Variants in RAB27A observed in about 807,000 individuals in gnomAD.
RAB27A encodes the protein RAB27A, member RAS oncogene family, also known as ras-related protein Rab-27A.
Under a neutral mutation model 20.8 loss-of-function variants are expected in RAB27A, and 17 were observed. That is an observed-to-expected ratio of 0.82 (90% confidence interval 0.56 to 1.23). RAB27A has a LOEUF of 1.23. Ranked by LOEUF, RAB27A falls within the 50% of genes most tolerant of loss-of-function variation. The pLI is 0.00. For synonymous variants in RAB27A, 85 were observed against 92.8 expected, an observed-to-expected ratio of 0.92 and a Z score of 0.48; for missense variants, 277 against 266.7, an observed-to-expected ratio of 1.04 and a Z score of -0.27.
chr15:55,311,837 C>T (rs775980533), intron 2 of RAB27A, among the ~76,000 whole-genome samples: 5 of 152,148 alleles, frequency 3.3e-5, no homozygotes, highest in Admixed American at 2.0e-4. Flanking sequence ...TTGGGGGGAA[C>T]GTTTCCCATT....
chr15:55,216,266 G>A (rs947629390), intron 6 of RAB27A, among the ~76,000 whole-genome samples: 1 of 152,176 alleles, frequency 6.6e-6, no homozygotes, highest in Non-Finnish European at 1.5e-5. Flanking sequence ...AGGCACCGTG[G>A]CTCACACCTG....
chr15:55,210,568 CTTT>C (rs2140914265), intron 6 of RAB27A, among the ~76,000 whole-genome samples: 1 of 152,158 alleles, frequency 6.6e-6, no homozygotes, highest in South Asian at 2.1e-4. Flanking sequence ...ATTTGCAGAT[CTTT>C]TGAGAAATGT....
chr15:55,239,612 GA>G (rs1896402202), intron 2 of RAB27A, among the ~76,000 whole-genome samples: 1 of 152,100 alleles, frequency 6.6e-6, no homozygotes, highest in African/African-American at 2.4e-5. Context: ...CCTGGGTTGA[GA>G]ATTCACCTCC....
At chr15:55,239,513 C>T (rs979578827) in intron 2 of RAB27A, among the ~76,000 whole-genome samples, 11 of 151,962 alleles carry the variant, frequency 7.2e-5, no homozygotes, top group African/African-American at 1.9e-4. Flanking sequence ...TGTATGTGTT[C>T]GAGTACAGTA....
At chr15:55,265,438 G>A (rs529570605) in intron 2 of RAB27A, among the ~76,000 whole-genome samples, 1 of 152,096 alleles carries the variant, frequency 6.6e-6, no homozygotes, top group Admixed American at 6.6e-5. Flanking sequence ...CACACATAAG[G>A]ACAAGTGACA....
intron 5 of RAB27A, among the ~76,000 whole-genome samples, chr15:55,227,888 C>T (rs113272907): frequency 0.029 from 4,485 of 152,218 alleles, 219 homozygotes; most frequent in African/African-American, 0.1. Context: ...TTTAATATTA[C>T]AGCCTTCCCT....
At chr15:55,234,210 T>C (rs1896159532) in intron 3 of RAB27A, among the ~76,000 whole-genome samples, 1 of 152,174 alleles carries the variant, frequency 6.6e-6, no homozygotes, top group Non-Finnish European at 1.5e-5. Flanking sequence ...CCTCCAACAC[T>C]AGAATAACTT....
At chr15:55,279,646 A>G (rs1226208139) in intron 1 of RAB27A, among the ~76,000 whole-genome samples, 1 of 152,234 alleles carries the variant, frequency 6.6e-6, no homozygotes, top group African/African-American at 2.4e-5. Flanking sequence ...TGTGAGAATC[A>G]AATGAAATAA....
intron 6 of RAB27A, among the ~76,000 whole-genome samples, chr15:55,217,797 G>T (rs1366899221): frequency 2.7e-5 from 4 of 150,230 alleles, no homozygotes; most frequent in Non-Finnish European, 5.9e-5. Flanking sequence ...GAGCCGTATT[G>T]CCAAAGACGA....
Position 55,303,658 on chromosome 15 carries a change from TG to T in RAB27A, c.-112+10380del, listed in dbSNP as rs1166298109. On this transcript the variant is annotated intron_variant, in intron 2 of 5. Transcript: ENST00000563262. ...CCAGCCGCCCCGTCCGGGAGGGAGG[TG>T]GGGGGGGTCAGCCCCCCTGCCCGGC... 2.2e-3 allele frequency among the ~76,000 whole-genome samples: 121 copies of T among 54,722 alleles called. 2 individuals carry two copies. The highest frequency in any genetic ancestry group is 3.5e-3 in the Non-Finnish European group (97 of 27,666). The allele number at this position is 54,722 out of a possible 152,430, so 35.9% of individuals were successfully genotyped here.
chr15:55,317,790 C>T (rs1056088101), intron 1 of RAB27A: 3 of 398,142 alleles, frequency 7.5e-6, no homozygotes, highest in African/African-American at 6.2e-5. Flanking sequence ...ATCTCCTAAA[C>T]ATTGCTGCAA....
intron 2 of RAB27A, among the ~76,000 whole-genome samples, chr15:55,235,316 T>C (rs1896209936): frequency 6.6e-6 from 1 of 151,846 alleles, no homozygotes; most frequent in Non-Finnish European, 1.5e-5. Context: ...GGCATGGTGG[T>C]GCATGCCTAT....
intron 2 of RAB27A, among the ~76,000 whole-genome samples, chr15:55,242,636 C>G (rs938840668): frequency 4.6e-5 from 7 of 152,190 alleles, no homozygotes; most frequent in South Asian, 2.1e-4. Context: ...AGTACCTGAA[C>G]CTTCAGAAAA....
intron 1 of RAB27A, chr15:55,289,260 A>T (rs1362952631): frequency 2.6e-5 from 4 of 152,514 alleles, no homozygotes; most frequent in Non-Finnish European, 5.9e-5. Context: ...AGTCTAACTG[A>T]CAGGAGAAGA....
At chr15:55,316,320 A>G (rs935309836) in intron 1 of RAB27A, among the ~76,000 whole-genome samples, 3 of 151,616 alleles carry the variant, frequency 2.0e-5, no homozygotes, top group Non-Finnish European at 4.4e-5. Flanking sequence ...ACTAACTAAC[A>G]CAGGAACAGA....
intron 1 of RAB27A, among the ~76,000 whole-genome samples, chr15:55,286,456 TG>T (rs1324632501): frequency 6.6e-6 from 1 of 152,070 alleles, no homozygotes; most frequent in East Asian, 1.9e-4. Context: ...CAGAAAATGA[TG>T]GGATAGGTGA....
intron 2 of RAB27A, among the ~76,000 whole-genome samples, chr15:55,238,940 G>T (rs1259285680): frequency 6.6e-6 from 1 of 152,168 alleles, no homozygotes; most frequent in Non-Finnish European, 1.5e-5. Flanking sequence ...TTTACGGTGA[G>T]TTAAAAGAGG....
chr15:55,266,862 G>A (rs948107500), intron 2 of RAB27A, among the ~76,000 whole-genome samples: 1 of 152,206 alleles, frequency 6.6e-6, no homozygotes, highest in African/African-American at 2.4e-5. Context: ...GGGACATCAA[G>A]GGAGTTGTGT....
intron 2 of RAB27A, among the ~76,000 whole-genome samples, chr15:55,237,786 C>T (rs1222769144): frequency 6.6e-6 from 1 of 151,926 alleles, no homozygotes; most frequent in Non-Finnish European, 1.5e-5. Flanking sequence ...CTGTGACTAC[C>T]TTATTTCCTA....
Sources: allele counts gnomAD v4.1 joint callset (sites outside exome capture counted in the v4.1 genomes callset), GRCh38; gene constraint gnomAD v4.1.1; transcripts MANE v1.5; gene names NCBI Gene and HGNC (gene_info 2026-07-23, HGNC 2026-07-21).